The following CAMKMT variants were observed in gnomAD, a reference collection of about 807,000 sequenced individuals.
CAMKMT encodes the protein CaM KMT.
Under a neutral mutation model 48.0 loss-of-function variants are expected in CAMKMT, and 53 were observed. The ratio of observed to expected loss-of-function variants is 1.10; its 90% CI spans 0.89 to 1.39. CAMKMT has a LOEUF of 1.39. Among genes scored for constraint, CAMKMT ranks in the 40% most tolerant of loss-of-function variants. The pLI, the probability that CAMKMT is intolerant of heterozygous loss-of-function variation, is 0.00. For missense variants in CAMKMT, 428 were observed against 402.7 expected, an observed-to-expected ratio of 1.06 and a Z score of -0.54; for synonymous variants, 165 against 152.3, an observed-to-expected ratio of 1.08 and a Z score of -0.61.
At chr2:44,383,845 T>A (rs1342140048) in intron 2 of CAMKMT, among the ~76,000 whole-genome samples, 3 of 152,184 alleles carry the variant, frequency 2.0e-5, no homozygotes, top group African/African-American at 7.2e-5. Context: ...TATATATATA[T>A]ATACCACAGT....
intron 10 of CAMKMT, among the ~76,000 whole-genome samples, chr2:44,771,464 A>G (rs1243176175): frequency 6.6e-6 from 1 of 152,182 alleles, no homozygotes; most frequent in Admixed American, 6.5e-5. Context: ...CAGTATGAAC[A>G]GGAATGTTGC....
chr2:44,539,194 A>G (rs1558687633), intron 3 of CAMKMT, among the ~76,000 whole-genome samples: 1 of 149,214 alleles, frequency 6.7e-6, no homozygotes, highest in Non-Finnish European at 1.5e-5. Context: ...AATCCCAGCT[A>G]CTCAGGAGGC....
chr2:44,593,362 T>A (rs1670430129), intron 3 of CAMKMT, among the ~76,000 whole-genome samples: 1 of 152,234 alleles, frequency 6.6e-6, no homozygotes, highest in South Asian at 2.1e-4. Flanking sequence ...AATACTCTGA[T>A]GAATACTCAA....
chr2:44,638,405 A>G (rs1415640140), intron 3 of CAMKMT, among the ~76,000 whole-genome samples: 1 of 152,182 alleles, frequency 6.6e-6, no homozygotes, highest in East Asian at 1.9e-4. Flanking sequence ...ATTGCAGGTT[A>G]AAAACAAAAG....
chr2:44,461,253 C>A (rs1667835000), intron 3 of CAMKMT, among the ~76,000 whole-genome samples: 1 of 151,840 alleles, frequency 6.6e-6, no homozygotes, highest in Admixed American at 6.6e-5. Context: ...CTGTGAAAAC[C>A]CTAATAAAAG....
At position 44,598,892 on chromosome 2, in the gene CAMKMT, G is replaced by A. The variant is rs567350396; in HGVS notation, c.377-105391G>A. ...ATACCAAACCTCATATTTACAAGTT[G>A]CTAACTGGAATTGCATGATTAGATT... On this transcript the variant is annotated intron_variant, in intron 3 of 10. Transcript: ENST00000378494. Among the ~76,000 whole-genome samples the A allele has an allele frequency of 2.4e-4, 37 of 151,638 alleles. No homozygotes were observed. In the South Asian group the frequency reaches 7.7e-3, roughly 32 times the overall value.
chr2:44,770,714 T>G (rs1681069129), intron 10 of CAMKMT, among the ~76,000 whole-genome samples: 1 of 152,210 alleles, frequency 6.6e-6, no homozygotes, highest in Admixed American at 6.5e-5. Context: ...TGAAGCCATT[T>G]TCTCAGCATT....
chr2:44,466,119 T>G (rs186579131), intron 3 of CAMKMT, among the ~76,000 whole-genome samples: 1 of 152,262 alleles, frequency 6.6e-6, no homozygotes, highest in East Asian at 1.9e-4. Flanking sequence ...AAGGGATAGA[T>G]CAACTAGACA....
chr2:44,535,439 C>T (rs1298004314), intron 3 of CAMKMT, among the ~76,000 whole-genome samples: 2 of 152,098 alleles, frequency 1.3e-5, no homozygotes, highest in Admixed American at 1.3e-4. Context: ...ACAACAGCAA[C>T]AAAAACTACA....
intron 6 of CAMKMT, among the ~76,000 whole-genome samples, chr2:44,712,985 A>G (rs924623970): frequency 5.3e-5 from 8 of 152,110 alleles, no homozygotes; most frequent in Non-Finnish European, 2.9e-5. Context: ...GCTCATTTTA[A>G]TATTTAAAAA....
chr2:44,373,414 CAA>C (rs1049017782), intron 2 of CAMKMT, among the ~76,000 whole-genome samples: 4 of 152,206 alleles, frequency 2.6e-5, no homozygotes, highest in South Asian at 2.1e-4. Flanking sequence ...AGAAAAGAGA[CAA>C]GAGAGTTACA....
chr2:44,760,678 G>C (rs1303763608), intron 9 of CAMKMT, among the ~76,000 whole-genome samples: 1 of 151,654 alleles, frequency 6.6e-6, no homozygotes, highest in Non-Finnish European at 1.5e-5. Context: ...AGGCTCTACT[G>C]TATGGGTAAC....
At chr2:44,616,033 T>C (rs933130432) in intron 3 of CAMKMT, among the ~76,000 whole-genome samples, 3 of 152,166 alleles carry the variant, frequency 2.0e-5, no homozygotes, top group East Asian at 1.9e-4. Flanking sequence ...AACCGTGCAC[T>C]TCAAAAACCC....
intron 3 of CAMKMT, among the ~76,000 whole-genome samples, chr2:44,494,410 TCC>T (rs1669658099): frequency 6.6e-6 from 1 of 152,098 alleles, no homozygotes; most frequent in African/African-American, 2.4e-5. Flanking sequence ...TCACTTTTTT[TCC>T]CCCCTCTTCC....
chr2:44,501,412 C>T (rs1670000753), intron 3 of CAMKMT, among the ~76,000 whole-genome samples: 1 of 152,064 alleles, frequency 6.6e-6, no homozygotes, highest in South Asian at 2.1e-4. Context: ...GGAGAAATGT[C>T]CCATCACAAT....
intron 3 of CAMKMT, among the ~76,000 whole-genome samples, chr2:44,700,797 A>C (rs960369826): frequency 1.3e-5 from 2 of 152,220 alleles, no homozygotes; most frequent in African/African-American, 4.8e-5. Context: ...AGTTGAGCAC[A>C]TGCTGTTGGA....
intron 3 of CAMKMT, among the ~76,000 whole-genome samples, chr2:44,641,130 TC>T (rs1297626082): frequency 1.3e-5 from 2 of 152,190 alleles, no homozygotes; most frequent in Non-Finnish European, 2.9e-5. Context: ...GCCTAAAGAA[TC>T]TTTCAAGTAA....
chr2:44,581,480 T>C (rs1384195193), intron 3 of CAMKMT, among the ~76,000 whole-genome samples: 1 of 152,222 alleles, frequency 6.6e-6, no homozygotes, highest in Admixed American at 6.5e-5. Context: ...CCATTAAATA[T>C]GTGTATACTG....
chr2:44,422,389 G>A (rs1211985225), intron 3 of CAMKMT, among the ~76,000 whole-genome samples: 1 of 152,170 alleles, frequency 6.6e-6, no homozygotes, highest in Non-Finnish European at 1.5e-5. Flanking sequence ...AACTTATGTA[G>A]AAATAAATTT....
Sources: allele counts gnomAD v4.1 joint callset (sites outside exome capture counted in the v4.1 genomes callset), GRCh38; gene constraint gnomAD v4.1.1; transcripts MANE v1.5; gene names NCBI Gene and HGNC (gene_info 2026-07-23, HGNC 2026-07-21).